The following TEX12 variants were observed in gnomAD, a reference collection of about 807,000 sequenced individuals.
The protein encoded by TEX12 is testis-expressed protein 12.
A neutral mutation model predicts 14.6 loss-of-function variants in TEX12; 7 were observed. The observed-to-expected ratio is 0.48, with a 90% CI of 0.27 to 0.90. The LOEUF (loss-of-function observed/expected upper bound fraction) is 0.90. Ranked by LOEUF, TEX12 falls within the 40% of genes least tolerant of loss-of-function variation. The probability of loss-of-function intolerance (pLI) is 0.12; values close to 1 mark genes in which losing one functional copy is unlikely to be tolerated. For missense variants in TEX12, 121 were observed against 135.7 expected (o/e 0.89, Z 0.54); for synonymous variants, 57 against 49.1 (o/e 1.16, Z -0.67).
chr11:112,169,196 A>C, intron 1 of TEX12, 57 bp from the exon 2 acceptor site: 2 of 1,167,386 alleles, frequency 1.7e-6, no homozygotes, highest in Non-Finnish European at 2.6e-6. Flanking sequence ...GAAGGATTCC[A>C]GAGAGCTTGT....
chr11:112,170,127 T>C (rs138938499), intron 2 of TEX12, among the ~76,000 whole-genome samples: 137 of 152,292 alleles, frequency 9.0e-4, no homozygotes, highest in Non-Finnish European at 1.5e-3. Context: ...TGAGCTAAGA[T>C]TGTGTCACTA....
intron 2 of TEX12, among the ~76,000 whole-genome samples, 179 bp downstream of exon 2, chr11:112,169,510 A>G (rs774921351): frequency 6.6e-6 from 1 of 152,226 alleles, no homozygotes; most frequent in African/African-American, 2.4e-5. Flanking sequence ...TTCACTAAGT[A>G]TAGGCCTCCA....
At chr11:112,171,716 C>A in intron 4 of TEX12, 56 bp from the exon 5 acceptor site, 1 of 1,085,290 alleles carries the variant, frequency 9.2e-7, no homozygotes, top group Non-Finnish European at 1.2e-6. Flanking sequence ...TGAAGAACAA[C>A]ATAATGATGT....
intron 4 of TEX12, 106 bp from the exon 5 acceptor site, chr11:112,171,666 T>G (rs1866791644): frequency 2.7e-6 from 2 of 729,464 alleles, no homozygotes; most frequent in Non-Finnish European, 4.1e-6. Flanking sequence ...CTGTGGCACA[T>G]AAAGCCATTT....
At position 112,169,283 on chromosome 11, in the gene TEX12, C is replaced by T; in HGVS notation, c.15C>T (p.His5=). 6.2e-7 allele frequency: 1 copy of T among 1,613,892 alleles called. No individual in the cohort carries two copies. Among genetic ancestry groups the T allele is most frequent in the Non-Finnish European group, 8.5e-7 (1 of 1,179,794 alleles). The change falls in exon 2 of 5, where the codon CAC becomes CAT. Residue 5 remains histidine (H), a synonymous_variant. Coordinates refer to ENST00000280358, the MANE Select transcript of TEX12 (RefSeq NM_031275.4). MMAN[H]LVKPDNRNCK... is the part of the protein sequence containing the mutation. ...GCCTTCGGAATATGATGGCAAATCA[C>T]CTTGTAAAGCCTGATAATAGAAATT...
intron 1 of TEX12, 49 bp from the exon 2 acceptor site, chr11:112,169,204 T>C (rs1866761914): frequency 1.6e-6 from 2 of 1,244,162 alleles, no homozygotes; most frequent in Non-Finnish European, 2.4e-6. Flanking sequence ...CCAGAGAGCT[T>C]GTAGCATGGA....
intron 3 of TEX12, 30 bp from the exon 4 acceptor site, chr11:112,170,593 T>A (rs1406638421): frequency 1.2e-6 from 2 of 1,600,990 alleles, no homozygotes; most frequent in South Asian, 2.2e-5. Context: ...TTTGTTATAT[T>A]TTATAACTTA....
At chr11:112,168,002 T>C (rs890470666) in intron 1 of TEX12, among the ~76,000 whole-genome samples, 2 of 152,202 alleles carry the variant, frequency 1.3e-5, no homozygotes, top group Non-Finnish European at 2.9e-5. Flanking sequence ...TGTGCATGTG[T>C]AGTATTTTCT....
Position 112,172,041 on chromosome 11 carries a change from C to A in TEX12, c.*125C>A. Reference sequence around the variant, plus strand: ...TATATCTCGAATAGAGAAGGGGAAACTCCTTGAATTTCTAGGTTTAAAAAG... The same window carrying A: ...TATATCTCGAATAGAGAAGGGGAAAATCCTTGAATTTCTAGGTTTAAAAAG... On this transcript the variant is annotated 3_prime_UTR_variant, in exon 5 of 5. Transcript: ENST00000280358. 2 of 679,458 alleles carry A rather than the reference C, an allele frequency of 2.9e-6. No individual in the cohort carries two copies. The highest frequency in any genetic ancestry group is 4.3e-6 in the Non-Finnish European group (2 of 465,216). 42.1% of individuals were successfully genotyped at this position (679,458 alleles called of 1,614,324 possible).
intron 4 of TEX12, 48 bp from the exon 5 acceptor site, chr11:112,171,724 T>A: frequency 8.7e-7 from 1 of 1,146,448 alleles, no homozygotes; most frequent in Non-Finnish European, 1.2e-6. Context: ...AACATAATGA[T>A]GTTGTTTATA....
intron 1 of TEX12, 32 bp downstream of exon 1, chr11:112,167,519 C>G (rs924450907): frequency 2.6e-5 from 4 of 152,288 alleles, no homozygotes; most frequent in African/African-American, 4.8e-5. Flanking sequence ...CTGAGGGGCT[C>G]TAGTGGGGCG....
chr11:112,169,400 T>A (rs2135334232), intron 2 of TEX12, 69 bp downstream of exon 2: 1 of 1,226,114 alleles, frequency 8.2e-7, no homozygotes, highest in Non-Finnish European at 1.2e-6. Context: ...TTCTTCCCTT[T>A]AAGAAAGCTC....
rs550182323 is a variant in TEX12, at chr11:112,170,017, A to C, written c.64-402A>C. Among the ~76,000 whole-genome samples the C allele has an allele frequency of 9.8e-5, 15 of 152,290 alleles. No individual in the cohort carries two copies. The South Asian group carries it at 2.9e-3, about 29-fold the overall frequency. The stretch of plus-strand genomic sequence containing the variant: ...AATACATTGTCTCTGAAAACAAAAC[A>C]AAACAAAACAAAATTAGCTGGGCAT... On this transcript the variant is annotated intron_variant, in intron 2 of 4. Transcript: ENST00000280358.
intron 1 of TEX12, among the ~76,000 whole-genome samples, chr11:112,168,450 G>T (rs965256396): frequency 5.3e-5 from 8 of 152,056 alleles, no homozygotes; most frequent in African/African-American, 1.9e-4. Flanking sequence ...GGTGTCACTT[G>T]ATCCACCGTC....
Position 112,171,691 on chromosome 11 carries a change from A to G in TEX12, c.228-81A>G. Reference sequence around the variant, plus strand: ...TAAAGCCATTTAAATGAAATAGTTAACAAATATTGTGTAATGAAGAACAAC... The same window carrying G: ...TAAAGCCATTTAAATGAAATAGTTAGCAAATATTGTGTAATGAAGAACAAC... On this transcript the variant is annotated intron_variant, in intron 4 of 4. Coordinates refer to ENST00000280358, the MANE Select transcript of TEX12 (RefSeq NM_031275.4). 4 of 899,742 alleles carry G rather than the reference A, an allele frequency of 4.4e-6. No homozygotes were observed. In the South Asian group the frequency reaches 1.4e-4, roughly 31 times the overall value. The allele number at this position is 899,742 out of a possible 1,614,324, so 55.7% of individuals were successfully genotyped here.
intron 1 of TEX12, among the ~76,000 whole-genome samples, chr11:112,167,837 G>A (rs1334348496): frequency 6.6e-6 from 1 of 152,074 alleles, no homozygotes; most frequent in Non-Finnish European, 1.5e-5. Context: ...TTGATTATAA[G>A]TTTTCGTTTG....
rs541703560 is a variant in TEX12 at position 112,172,085 on chromosome 11, A to G, written c.*169A>G. 2.8e-5 allele frequency: 11 copies of G among 398,292 alleles called. No individual in the cohort carries two copies. The highest frequency in any genetic ancestry group is 2.1e-4 in the African/African-American group (10 of 48,216). The allele number at this position is 398,292 out of a possible 1,614,324, so 24.7% of individuals were successfully genotyped here. ...TAAAAAGGAACTTTTAAATTCCTTA[A>G]TGTTAATATTAATGTTCATGTTAAT... is the stretch of plus-strand genomic sequence containing the variant. On this transcript the variant is annotated 3_prime_UTR_variant, in exon 5 of 5. Coordinates refer to ENST00000280358, the MANE Select transcript of TEX12 (RefSeq NM_031275.4).
At chr11:112,169,009 T>C (rs751308163) in intron 1 of TEX12, among the ~76,000 whole-genome samples, 11 of 152,224 alleles carry the variant, frequency 7.2e-5, no homozygotes, top group African/African-American at 1.2e-4. Flanking sequence ...TCATGGAATT[T>C]CAACTTATTC....
intron 1 of TEX12, 132 bp from the exon 2 acceptor site, chr11:112,169,121 G>C (rs1866761202): frequency 1.5e-6 from 1 of 668,386 alleles, no homozygotes; most frequent in Non-Finnish European, 2.7e-6. Context: ...GGGAGAAATT[G>C]AGTTTAGGAA....
Sources: gnomAD v4.1 joint callset for allele counts (sites outside exome capture counted in the v4.1 genomes callset) on GRCh38, gnomAD v4.1.1 for gene constraint, MANE v1.5 for transcripts, NCBI Gene and HGNC (gene_info 2026-07-23, HGNC 2026-07-21) for gene names.